The following SKAP2 variants were observed in gnomAD, a reference collection of about 807,000 sequenced individuals.
The protein encoded by SKAP2 is src kinase-associated phosphoprotein 2.
In SKAP2, 28 loss-of-function variants were observed where a neutral mutation model predicts 54.9. The ratio of observed to expected loss-of-function variants is 0.51; its 90% CI spans 0.38 to 0.70. The LOEUF is 0.70. Among genes scored for constraint, SKAP2 ranks in the 30% least tolerant of loss-of-function variants. The pLI is 0.00. For synonymous variants in SKAP2, 137 were observed against 134.3 expected (o/e 1.02, Z -0.14); for missense variants, 356 against 424.1 (o/e 0.84, Z 1.41).
chr7:26,719,293 C>T (rs1314212363), intron 9 of SKAP2, among the ~76,000 whole-genome samples: 5 of 152,182 alleles, frequency 3.3e-5, no homozygotes, highest in East Asian at 1.9e-4. Context: ...CTCCTCTTCA[C>T]GGATCCCCTT....
chr7:26,831,670 A>G (rs1026818753), intron 4 of SKAP2, among the ~76,000 whole-genome samples: 2 of 152,158 alleles, frequency 1.3e-5, no homozygotes, highest in Admixed American at 1.3e-4. Context: ...TACTATTATT[A>G]TCCTTAATTT....
chr7:26,715,548 G>A (rs953498207), intron 9 of SKAP2, among the ~76,000 whole-genome samples: 6 of 152,004 alleles, frequency 3.9e-5, no homozygotes, highest in East Asian at 3.9e-4. Context: ...AAGCCGAGGC[G>A]GGTGGATCAC....
intron 4 of SKAP2, among the ~76,000 whole-genome samples, chr7:26,836,952 T>C (rs1449611479): frequency 6.6e-6 from 1 of 152,128 alleles, no homozygotes; most frequent in East Asian, 1.9e-4. Flanking sequence ...GCATCAATGA[T>C]AGACTGGGTA....
intron 9 of SKAP2, among the ~76,000 whole-genome samples, chr7:26,713,028 C>G (rs1787343640): frequency 6.6e-6 from 1 of 152,184 alleles, no homozygotes; most frequent in South Asian, 2.1e-4. Context: ...GGCTGTGATT[C>G]TGTTCTAGGA....
intron 9 of SKAP2, among the ~76,000 whole-genome samples, chr7:26,714,543 C>T (rs548714051): frequency 1.3e-4 from 20 of 152,336 alleles, no homozygotes; most frequent in African/African-American, 4.6e-4. Context: ...AGCTGTAGCA[C>T]TTGCCGAGGC....
chr7:26,691,317 C>T (rs1786774946), intron 9 of SKAP2, among the ~76,000 whole-genome samples: 2 of 152,136 alleles, frequency 1.3e-5, no homozygotes, highest in Non-Finnish European at 1.5e-5. Flanking sequence ...ATATTTATTA[C>T]ATGATTTTTC....
At chr7:26,760,865 A>C (rs1317150832) in intron 4 of SKAP2, among the ~76,000 whole-genome samples, 1 of 152,238 alleles carries the variant, frequency 6.6e-6, no homozygotes, top group Non-Finnish European at 1.5e-5. Context: ...CTGTCTGACC[A>C]GAAGCCAAAA....
chr7:26,797,823 A>G (rs1372190879), intron 4 of SKAP2, among the ~76,000 whole-genome samples: 1 of 152,020 alleles, frequency 6.6e-6, no homozygotes, highest in Non-Finnish European at 1.5e-5. Context: ...AAATTTAACA[A>G]AAAGATTGAA....
chr7:26,798,868 T>C (rs758987775), intron 4 of SKAP2, among the ~76,000 whole-genome samples: 5 of 152,114 alleles, frequency 3.3e-5, no homozygotes, highest in Non-Finnish European at 5.9e-5. Context: ...GGTTATAAGA[T>C]AGTATTTGCA....
intron 9 of SKAP2, among the ~76,000 whole-genome samples, chr7:26,705,006 T>C (rs1047280713): frequency 1.3e-5 from 2 of 152,168 alleles, no homozygotes; most frequent in African/African-American, 4.8e-5. Flanking sequence ...AACCAGATCT[T>C]ACTTTTTTAA....
chr7:26,737,926 A>C (rs1185204707), intron 6 of SKAP2, among the ~76,000 whole-genome samples: 1 of 152,152 alleles, frequency 6.6e-6, no homozygotes, highest in African/African-American at 2.4e-5. Context: ...GAGAACATGG[A>C]CTCTAACCAT....
chr7:26,852,103 C>T lies in SKAP2; in HGVS notation c.199+2034G>A, dbSNP rs111770742. Among the ~76,000 whole-genome samples, 845 of 152,136 alleles carry T rather than the reference C, an allele frequency of 5.6e-3. 2 individuals are homozygous for T. The highest frequency in any genetic ancestry group is 0.022 in the South Asian group (108 of 4,816). Reference sequence around the variant, plus strand: ...GAGAGACAAGAGGGAAGAGAAAGGACGGGAAAGCAGCCAAAAGGACTTCTG... The same window carrying T: ...GAGAGACAAGAGGGAAGAGAAAGGATGGGAAAGCAGCCAAAAGGACTTCTG... On this transcript the variant is annotated intron_variant, in intron 3 of 12. Coordinates refer to ENST00000345317, the MANE Select transcript of SKAP2 (RefSeq NM_003930.5).
At chr7:26,818,967 G>C (rs1055550793) in intron 4 of SKAP2, among the ~76,000 whole-genome samples, 1 of 152,170 alleles carries the variant, frequency 6.6e-6, no homozygotes, top group African/African-American at 2.4e-5. Context: ...CTTTTACACT[G>C]TTCGTGGGAG....
At chr7:26,773,961 T>G (rs1176107108) in intron 4 of SKAP2, among the ~76,000 whole-genome samples, 2 of 152,100 alleles carry the variant, frequency 1.3e-5, no homozygotes, top group Non-Finnish European at 2.9e-5. Context: ...AATTATCACT[T>G]GGTACATGTC....
At chr7:26,734,230 T>G (rs933688445) in intron 6 of SKAP2, among the ~76,000 whole-genome samples, 7 of 152,190 alleles carry the variant, frequency 4.6e-5, no homozygotes, top group Admixed American at 1.3e-4. Flanking sequence ...TGACCCAGAC[T>G]CTATCCATCC....
chr7:26,694,071 A>G (rs1430470879), intron 9 of SKAP2, among the ~76,000 whole-genome samples: 2 of 152,192 alleles, frequency 1.3e-5, no homozygotes, highest in African/African-American at 4.8e-5. Context: ...GGCAATAATC[A>G]CCTTCACAAT....
intron 4 of SKAP2, among the ~76,000 whole-genome samples, chr7:26,754,582 G>A (rs896928483): frequency 6.6e-6 from 1 of 152,108 alleles, no homozygotes; most frequent in Non-Finnish European, 1.5e-5. Flanking sequence ...GTCATTACCA[G>A]AACAATTTCA....
chr7:26,825,286 A>C (rs1056945348), intron 4 of SKAP2, among the ~76,000 whole-genome samples: 2 of 152,008 alleles, frequency 1.3e-5, no homozygotes, highest in African/African-American at 4.8e-5. Flanking sequence ...CCCACCTTTG[A>C]TTTCCTCTTT....
chr7:26,659,283 A>G, the SKAP2 span, among the ~76,000 whole-genome samples: 1 of 152,150 alleles, frequency 6.6e-6, no homozygotes, highest in Admixed American at 6.6e-5. Flanking sequence ...GTGACTAAAG[A>G]TCAGATTGTG....
Sources: allele counts gnomAD v4.1 joint callset (sites outside exome capture counted in the v4.1 genomes callset), GRCh38; gene constraint gnomAD v4.1.1; transcripts MANE v1.5; gene names NCBI Gene and HGNC (gene_info 2026-07-23, HGNC 2026-07-21).